The following PDE10A variants were observed in gnomAD, a reference collection of about 807,000 sequenced individuals.
The protein encoded by PDE10A is cAMP and cAMP-inhibited cGMP 3',5'-cyclic phosphodiesterase 10A.
PDE10A carries 39 observed loss-of-function variants against 97.7 expected under a neutral mutation model. That is an observed-to-expected ratio of 0.40 (90% CI 0.31 to 0.52). The LOEUF (loss-of-function observed/expected upper bound fraction) is 0.52. Ranked by LOEUF, PDE10A falls within the 20% of genes least tolerant of loss-of-function variation. PDE10A has a pLI of 0.56. For synonymous variants in PDE10A, 371 were observed against 376.8 expected, an observed-to-expected ratio of 0.98 and a Z score of 0.18; for missense variants, 731 against 1,047.8, an observed-to-expected ratio of 0.70 and a Z score of 4.17.
intron 1 of PDE10A, among the ~76,000 whole-genome samples, chr6:165,642,395 A>G (rs1414177982): frequency 1.3e-5 from 2 of 152,216 alleles, no homozygotes; most frequent in Non-Finnish European, 2.9e-5. Flanking sequence ...GACACATAGG[A>G]GGCACTCAAC....
chr6:165,394,045 G>A (rs1031808698), intron 15 of PDE10A, among the ~76,000 whole-genome samples: 7 of 144,976 alleles, frequency 4.8e-5, no homozygotes, highest in Non-Finnish European at 9.1e-5. Flanking sequence ...AAATTTACAC[G>A]TGGTGTTCTA....
chr6:165,980,166 A>C (rs1314519410), intron 1 of PDE10A, among the ~76,000 whole-genome samples: 5 of 152,246 alleles, frequency 3.3e-5, no homozygotes, highest in Non-Finnish European at 7.3e-5. Flanking sequence ...CACTCTTTTG[A>C]GAAATATGCT....
At chr6:165,816,804 G>A (rs1434440952) in intron 1 of PDE10A, among the ~76,000 whole-genome samples, 1 of 152,190 alleles carries the variant, frequency 6.6e-6, no homozygotes, top group African/African-American at 2.4e-5. Context: ...CTGGGAAATG[G>A]GTTCCGGAGG....
At chr6:165,609,528 A>G (rs551912435) in intron 1 of PDE10A, among the ~76,000 whole-genome samples, 2 of 152,292 alleles carry the variant, frequency 1.3e-5, no homozygotes, top group Admixed American at 1.3e-4. Flanking sequence ...CAAGAGAAAG[A>G]AATAAAGGGT....
At chr6:165,716,358 C>T (rs1439760583) in intron 1 of PDE10A, among the ~76,000 whole-genome samples, 2 of 152,222 alleles carry the variant, frequency 1.3e-5, no homozygotes, top group Non-Finnish European at 2.9e-5. Context: ...GGATTAAATG[C>T]AAGCTGCCTG....
rs1031671005 is a variant in PDE10A, at chr6:165,662,836, G to A, written c.-25C>T. ...TGGTTCCTCCCCGGGCCGCGGAGGG[G>A]CAGGCCGCGGGCGGGAGGGGCGCGG... On this transcript the variant is annotated 5_prime_UTR_variant, in exon 1 of 22. Transcript: ENST00000539869. Among the ~76,000 whole-genome samples, 2 of 149,886 alleles carry A rather than the reference G, an allele frequency of 1.3e-5. No homozygotes were observed. Among genetic ancestry groups the A allele is most frequent in the Non-Finnish European group, 3.0e-5 (2 of 67,108 alleles).
chr6:165,977,151 A>G (rs1329783647), intron 1 of PDE10A, among the ~76,000 whole-genome samples: 1 of 152,206 alleles, frequency 6.6e-6, no homozygotes, highest in Non-Finnish European at 1.5e-5. Context: ...GCCAGCCCCA[A>G]ATAAGACCAG....
At chr6:165,745,844 A>G (rs1792830377) in intron 1 of PDE10A, among the ~76,000 whole-genome samples, 1 of 152,262 alleles carries the variant, frequency 6.6e-6, no homozygotes, top group Non-Finnish European at 1.5e-5. Flanking sequence ...GATAAACACC[A>G]AAAGAGAGGC....
At chr6:165,476,050 T>C (rs544917433) in intron 3 of PDE10A, among the ~76,000 whole-genome samples, 10 of 151,646 alleles carry the variant, frequency 6.6e-5, no homozygotes, top group Non-Finnish European at 7.4e-5. Context: ...TTTACATGAA[T>C]AGTAAACAGA....
chr6:165,620,244 A>G (rs1205939120), intron 1 of PDE10A, among the ~76,000 whole-genome samples: 3 of 152,182 alleles, frequency 2.0e-5, no homozygotes, highest in African/African-American at 7.2e-5. Context: ...CATCAAATAA[A>G]GCAATTTTTT....
intron 1 of PDE10A, among the ~76,000 whole-genome samples, chr6:165,874,865 G>A (rs966717996): frequency 6.6e-6 from 1 of 152,038 alleles, no homozygotes; most frequent in Non-Finnish European, 1.5e-5. Flanking sequence ...AGGCTTATTT[G>A]CTTCCTCACT....
chr6:165,843,111 C>T (rs1402128024), intron 1 of PDE10A, among the ~76,000 whole-genome samples: 2 of 152,230 alleles, frequency 1.3e-5, no homozygotes, highest in Non-Finnish European at 1.5e-5. Flanking sequence ...CAGCGCCCAG[C>T]CCCTGAGAAG....
chr6:165,430,253 A>G (rs1197027368), intron 9 of PDE10A, 34 bp downstream of exon 9: 3 of 1,487,002 alleles, frequency 2.0e-6, no homozygotes, highest in Non-Finnish European at 1.9e-6. Context: ...CCATTGATTA[A>G]TAAGAGCTAC....
At chr6:165,749,635 C>T (rs564284842) in intron 1 of PDE10A, among the ~76,000 whole-genome samples, 1 of 152,336 alleles carries the variant, frequency 6.6e-6, no homozygotes, top group Admixed American at 6.5e-5. Context: ...GTTGGATGCA[C>T]CTTTTAATGC....
At chr6:165,761,016 G>A (rs762043927) in intron 1 of PDE10A, among the ~76,000 whole-genome samples, 4 of 152,190 alleles carry the variant, frequency 2.6e-5, no homozygotes, top group Non-Finnish European at 5.9e-5. Flanking sequence ...TGGGAGAACG[G>A]GGCGGAGCCT....
intron 1 of PDE10A, among the ~76,000 whole-genome samples, chr6:165,646,112 G>A (rs1789384492): frequency 6.6e-6 from 1 of 152,174 alleles, no homozygotes; most frequent in Non-Finnish European, 1.5e-5. Flanking sequence ...TTCCACGGCA[G>A]CATCAGGAAC....
chr6:165,583,712 C>G (rs1328375), intron 1 of PDE10A, among the ~76,000 whole-genome samples: 150,477 of 152,286 alleles, frequency 0.99, 74,372 homozygotes, highest in Middle Eastern at 1. Context: ...TATCTTGCAG[C>G]GCTGGGGCAA....
chr6:165,532,672 C>A (rs1302461697), intron 2 of PDE10A, among the ~76,000 whole-genome samples: 3 of 152,084 alleles, frequency 2.0e-5, no homozygotes, highest in East Asian at 3.9e-4. Flanking sequence ...TTTAGCAAGT[C>A]TGGGGTGAGA....
chr6:165,500,142 G>A lies in PDE10A; in HGVS notation c.995-17799C>T, dbSNP rs141363858. ...TCAATATTCTCACCACTCCTTTTCA[G>A]TAAACTTTTAAAAACTGTATATACA... is the stretch of plus-strand genomic sequence containing the variant. On this transcript the variant is annotated intron_variant, in intron 2 of 21. Coordinates refer to ENST00000539869, the MANE Select transcript of PDE10A (RefSeq NM_001385079.1). Among the ~76,000 whole-genome samples, 819 of 152,104 alleles carry A rather than the reference G, an allele frequency of 5.4e-3. 3 individuals are homozygous for A. Among genetic ancestry groups the A allele is most frequent in the Middle Eastern group, 0.031 (9 of 292 alleles).
Sources: gnomAD v4.1 joint callset for allele counts (sites outside exome capture counted in the v4.1 genomes callset) on GRCh38, gnomAD v4.1.1 for gene constraint, MANE v1.5 for transcripts, NCBI Gene and HGNC (gene_info 2026-07-23, HGNC 2026-07-21) for gene names.